Variants in IKZF1 observed in about 807,000 individuals in gnomAD.
IKZF1 encodes IKAROS family zinc finger 1, also known as DNA-binding protein Ikaros.
In IKZF1, 10 loss-of-function variants were observed where a neutral mutation model predicts 51.7. The ratio of observed to expected loss-of-function variants is 0.19; its 90% CI spans 0.12 to 0.33. IKZF1 has a LOEUF of 0.33. IKZF1 is among the 10% of genes least tolerant of loss of function. The pLI is 1.00. For synonymous variants in IKZF1, 280 were observed against 282.3 expected (o/e 0.99, Z 0.08); for missense variants, 484 against 707.5 (o/e 0.68, Z 3.58).
intron 3 of IKZF1, among the ~76,000 whole-genome samples, chr7:50,351,852 C>T (rs748391186): frequency 2.0e-5 from 3 of 152,154 alleles, no homozygotes; most frequent in African/African-American, 2.4e-5. Context: ...CTAGAACCTA[C>T]TAACAATTCC....
At chr7:50,340,444 C>A (rs940478016) in intron 3 of IKZF1, among the ~76,000 whole-genome samples, 1 of 152,148 alleles carries the variant, frequency 6.6e-6, no homozygotes, top group Non-Finnish European at 1.5e-5. Context: ...TGGGTGTGAT[C>A]GATGGAAGGC....
intron 4 of IKZF1, among the ~76,000 whole-genome samples, chr7:50,377,789 A>G (rs1471973011): frequency 6.6e-6 from 1 of 152,238 alleles, no homozygotes. Context: ...TGGGTAAAAC[A>G]CAATAGATCC....
At chr7:50,380,676 C>T (rs1314924262) in intron 4 of IKZF1, among the ~76,000 whole-genome samples, 3 of 152,152 alleles carry the variant, frequency 2.0e-5, no homozygotes, top group Non-Finnish European at 2.9e-5. Flanking sequence ...GAGGCACATC[C>T]GTCTCATGCT....
intron 3 of IKZF1, among the ~76,000 whole-genome samples, chr7:50,352,960 T>A (rs1318370297): frequency 6.6e-6 from 1 of 152,250 alleles, no homozygotes; most frequent in East Asian, 1.9e-4. Flanking sequence ...TTTTAAGAAT[T>A]TTTTTATACT....
At chr7:50,370,184 A>G (rs1808241061) in intron 3 of IKZF1, among the ~76,000 whole-genome samples, 1 of 152,192 alleles carries the variant, frequency 6.6e-6, no homozygotes, top group African/African-American at 2.4e-5. Context: ...CTAAACTCAC[A>G]CTAGAGTGAC....
intron 3 of IKZF1, among the ~76,000 whole-genome samples, chr7:50,345,919 C>T (rs1203575368): frequency 6.6e-6 from 1 of 152,112 alleles, no homozygotes; most frequent in Non-Finnish European, 1.5e-5. Context: ...GGCAGTTCTG[C>T]CTGGTTTGAA....
At chr7:50,348,963 G>A (rs1784214751) in intron 3 of IKZF1, among the ~76,000 whole-genome samples, 1 of 152,196 alleles carries the variant, frequency 6.6e-6, no homozygotes, top group Admixed American at 6.5e-5. Context: ...CCAGTCTCCA[G>A]CATGGCCTAG....
chr7:50,355,669 C>T (rs1313847583), intron 3 of IKZF1, among the ~76,000 whole-genome samples: 1 of 142,194 alleles, frequency 7.0e-6, no homozygotes, highest in East Asian at 2.0e-4. Flanking sequence ...AGAAACAGTC[C>T]TCAGAAAGTC....
At chr7:50,306,567 T>A (rs1788845952) in intron 1 of IKZF1, among the ~76,000 whole-genome samples, 1 of 152,328 alleles carries the variant, frequency 6.6e-6, no homozygotes, top group Non-Finnish European at 1.5e-5. Context: ...CCACAAGGGC[T>A]GCAGATAAAA....
chr7:50,402,571 A>ATT lies in IKZF1; in HGVS notation c.*1944_*1945insTT, dbSNP rs1818317329. On this transcript the variant is annotated 3_prime_UTR_variant, in exon 8 of 8. Coordinates refer to ENST00000331340, the MANE Select transcript of IKZF1 (RefSeq NM_006060.6). Reference sequence around the variant, plus strand: ...GAAGCCCTCCAAGAAAAAAAATAGAAAAGCACTTGAAGAATATTCCCAATA... The same window carrying ATT: ...GAAGCCCTCCAAGAAAAAAAATAGAATTAAGCACTTGAAGAATATTCCCAATA... 1 of 232,244 alleles carries ATT rather than the reference A, an allele frequency of 4.3e-6. No individual in the cohort carries two copies. Among genetic ancestry groups the ATT allele is most frequent in the African/African-American group, 2.2e-5 (1 of 45,288 alleles). The allele number at this position is 232,244 out of a possible 1,614,324, so 14.4% of individuals were successfully genotyped here.
intron 6 of IKZF1, among the ~76,000 whole-genome samples, chr7:50,390,668 C>T (rs1814790666): frequency 6.6e-6 from 1 of 152,142 alleles, no homozygotes; most frequent in Admixed American, 6.5e-5. Context: ...ATAAAACTGG[C>T]TTGTAAATTT....
At chr7:50,372,327 G>C (rs74850530) in intron 3 of IKZF1, among the ~76,000 whole-genome samples, 3,364 of 152,246 alleles carry the variant, frequency 0.022, 68 homozygotes, top group East Asian at 0.066. Context: ...CCGTGGTGAC[G>C]GTGTTGCCCA....
chr7:50,341,747 A>G (rs1799115087), intron 3 of IKZF1, among the ~76,000 whole-genome samples: 1 of 152,228 alleles, frequency 6.6e-6, no homozygotes, highest in East Asian at 1.9e-4. Flanking sequence ...GTATGCTTAA[A>G]TATTATTTAA....
intron 3 of IKZF1, among the ~76,000 whole-genome samples, chr7:50,332,245 A>T (rs975085221): frequency 5.1e-4 from 77 of 152,344 alleles, no homozygotes; most frequent in African/African-American, 1.7e-3. Context: ...GTGTGAGAAA[A>T]GTAAAAACTT....
Position 50,401,560 on chromosome 7 carries a change from C to T in IKZF1, c.*933C>T, listed in dbSNP as rs1308131516. 9.0e-6 allele frequency: 2 copies of T among 222,410 alleles called. No individual in the cohort carries two copies. Among genetic ancestry groups the T allele is most frequent in the Admixed American group, 5.8e-5 (1 of 17,386 alleles). The allele number at this position is 222,410 out of a possible 1,614,324, so 13.8% of individuals were successfully genotyped here. On this transcript the variant is annotated 3_prime_UTR_variant, in exon 8 of 8. Transcript: ENST00000331340. ...TCAAACGGCAACATTCCTCAGAAACCAAAGCTTTATTTCAAATCTCTTCCT... is the reference window on the plus strand; with the variant it reads ...TCAAACGGCAACATTCCTCAGAAACTAAAGCTTTATTTCAAATCTCTTCCT...
upstream of IKZF1, among the ~76,000 whole-genome samples, chr7:50,303,829 G>A (rs1488824974): frequency 2.0e-5 from 3 of 149,540 alleles, no homozygotes; most frequent in Non-Finnish European, 3.0e-5. This position sits in a 1 kb window ranked among gnomAD's most constrained non-coding sequence, Gnocchi z 4.7. Flanking sequence ...GGGCCCGGCG[G>A]CGCGCGTCCC....
chr7:50,397,941 T>C (rs1173910096), intron 7 of IKZF1, among the ~76,000 whole-genome samples: 1 of 152,200 alleles, frequency 6.6e-6, no homozygotes, highest in Non-Finnish European at 1.5e-5. Flanking sequence ...TATTATATGA[T>C]ACATATCCAT....
At chr7:50,361,382 A>AT (rs1805178255) in intron 3 of IKZF1, among the ~76,000 whole-genome samples, 1 of 152,252 alleles carries the variant, frequency 6.6e-6, no homozygotes, top group Non-Finnish European at 1.5e-5. Context: ...CTTCCAAAAA[A>AT]GAGTAAGCAA....
intron 3 of IKZF1, among the ~76,000 whole-genome samples, chr7:50,353,960 G>A (rs750394262): frequency 1.1e-4 from 17 of 152,176 alleles, no homozygotes; most frequent in Admixed American, 3.3e-4. Flanking sequence ...AGGATGCTGG[G>A]ATCTTAGTAA....
Sources: gnomAD v4.1 joint callset for allele counts (sites outside exome capture counted in the v4.1 genomes callset) on GRCh38, gnomAD v4.1.1 for gene constraint, Gnocchi (gnomAD v3.1) non-coding constraint, MANE v1.5 for transcripts, NCBI Gene and HGNC (gene_info 2026-07-23, HGNC 2026-07-21) for gene names.